Variants in ZFYVE26 observed in about 807,000 individuals in gnomAD.
ZFYVE26 encodes zinc finger FYVE-type containing 26.
Under a neutral mutation model 276.5 loss-of-function variants are expected in ZFYVE26, and 181 were observed. The observed-to-expected ratio is 0.65, with a 90% confidence interval of 0.58 to 0.74. The LOEUF is 0.74. Ranked by LOEUF, ZFYVE26 falls within the 30% of genes least tolerant of loss-of-function variation. The pLI, the probability that ZFYVE26 is intolerant of heterozygous loss-of-function variation, is 0.00. For missense variants in ZFYVE26, 2,821 were observed against 3,097.9 expected, an observed-to-expected ratio of 0.91 and a Z score of 2.12; for synonymous variants, 1,129 against 1,203.1, an observed-to-expected ratio of 0.94 and a Z score of 1.27.
intron 8 of ZFYVE26, among the ~76,000 whole-genome samples, 185 bp from the exon 9 acceptor site, chr14:67,804,449 A>G (rs1482528623): frequency 1.3e-5 from 2 of 152,204 alleles, no homozygotes; most frequent in Admixed American, 6.5e-5. Flanking sequence ...AGGGAAGTAC[A>G]TCTATCAAAC....
intron 3 of ZFYVE26, among the ~76,000 whole-genome samples, chr14:67,812,743 T>C (rs2040329111): frequency 1.3e-5 from 2 of 152,178 alleles, no homozygotes; most frequent in Admixed American, 1.3e-4. Flanking sequence ...AGTAAGCAAA[T>C]AGTCTCTACT....
intron 30 of ZFYVE26, 84 bp from the exon 31 acceptor site, chr14:67,767,924 G>T: frequency 6.3e-7 from 1 of 1,585,090 alleles, no homozygotes. Context: ...ATGAGTTGCA[G>T]GTAGACACTT....
At chr14:67,771,935 G>T in intron 28 of ZFYVE26, 112 bp downstream of exon 28, 1 of 1,431,270 alleles carries the variant, frequency 7.0e-7, no homozygotes, top group Non-Finnish European at 9.6e-7. Flanking sequence ...TGGCAGTTCT[G>T]AAAATACCGA....
intron 28 of ZFYVE26, chr14:67,770,025 G>A: frequency 2.2e-6 from 1 of 454,082 alleles, no homozygotes; most frequent in South Asian, 2.1e-5. Flanking sequence ...TAGTGGAGAA[G>A]AAGTCACTTT....
At chr14:67,759,790 G>T (rs1391965812) in intron 35 of ZFYVE26, among the ~76,000 whole-genome samples, 1 of 152,076 alleles carries the variant, frequency 6.6e-6, no homozygotes, top group East Asian at 1.9e-4. Flanking sequence ...TTCTTCCTAT[G>T]GCCATGGAGA....
At position 67,814,031 on chromosome 14, in the gene ZFYVE26, G is replaced by A. The variant is rs2140258980; in HGVS notation, c.228C>T (p.Ala76=). 1 of 1,613,954 alleles carries A rather than the reference G, an allele frequency of 6.2e-7. No individual in the cohort carries two copies. Among genetic ancestry groups the A allele is most frequent in the East Asian group, 2.2e-5 (1 of 44,880 alleles). ...CGQDINPQRV[A]WVWLLVLEKW... The stretch of plus-strand genomic sequence containing the variant: ...TCTCCAGTACAAGAAGCCAGACCCA[G>A]GCTACTCTTTGAGGGTTGATGTCCT... Residue 76 remains alanine (A), a synonymous_variant, in exon 3 of 42, where the codon GCC becomes GCT. Transcript: ENST00000347230.
rs370722589 is a variant in ZFYVE26, at chr14:67,781,354, C to T, written c.4548G>A (p.Ala1516=). 127 of 1,614,070 alleles carry T rather than the reference C, an allele frequency of 7.9e-5. No individual in the cohort carries two copies. Among genetic ancestry groups the T allele is most frequent in the African/African-American group, 3.3e-4 (25 of 74,934 alleles). Residue 1516 remains alanine (A), a synonymous_variant, in exon 22 of 42, where the codon GCG becomes GCA. Transcript: ENST00000347230. The part of the protein sequence containing the change: ...GLKCELQRKL[A]ELQVYQKILG... ...ATACCTTCTGATACACCTGCAGCTC[C>T]GCCAGCTTCCTCTGTAGCTCACACT...
chr14:67,732,593 T>C (rs945723166), intron 13 of ZFYVE26, among the ~76,000 whole-genome samples: 98 of 152,226 alleles, frequency 6.4e-4, no homozygotes, highest in Middle Eastern at 3.4e-3. Context: ...TTCTTTTTTT[T>C]GAGACGGAGT....
chr14:67,752,197 TG>T, intron 40 of ZFYVE26, 146 bp downstream of exon 40: 1 of 1,074,500 alleles, frequency 9.3e-7, no homozygotes, highest in Non-Finnish European at 1.4e-6. Flanking sequence ...GGGTCAATTA[TG>T]GTGAGGCCAT....
chr14:67,729,000 G>T (rs1477152037), intron 14 of ZFYVE26, among the ~76,000 whole-genome samples: 2 of 152,190 alleles, frequency 1.3e-5, no homozygotes, highest in African/African-American at 4.8e-5. Context: ...AGGCTGAGAA[G>T]GCTATAGATC....
In ZFYVE26 at chr14:67,815,871, C is replaced by T; in HGVS notation, c.93G>A (p.Leu31=). Residue 31 remains leucine (L), a synonymous_variant, in exon 2 of 42, where the codon CTG becomes CTA. Coordinates refer to ENST00000347230, the MANE Select transcript of ZFYVE26 (RefSeq NM_015346.4). ...CECLRRGEWE[L]AQACVPQLQE... ...GTAGCTGAGGTACACATGCCTGTGC[C>T]AGCTCCCATTCTCCCCTCCGCAGGC... 1 of 1,614,144 alleles carries T rather than the reference C, an allele frequency of 6.2e-7. No individual in the cohort carries two copies. Among genetic ancestry groups the T allele is most frequent in the Non-Finnish European group, 8.5e-7 (1 of 1,180,032 alleles).
rs1481376615 is a variant in ZFYVE26, at chr14:67,762,680, C to T, written c.6151G>A (p.Gly2051Ser). The change falls in exon 33 of 42, where the codon GGC becomes AGC. Residue 2051 changes from glycine to serine, a missense_variant. Physicochemically the swap from Gly to Ser is moderately conservative, Grantham distance 56. Coordinates refer to ENST00000347230, the MANE Select transcript of ZFYVE26 (RefSeq NM_015346.4). ...QLLEAEYYQL[G>S]VEVSTKTGLD... The stretch of plus-strand genomic sequence containing the variant: ...CTTTGTCTTTGTCTCACCTCAACGC[C>T]CAGTTGGTAGTACTCGGCTTCCAAA... The T allele has an allele frequency of 1.2e-6, 2 of 1,613,772 alleles. No individual in the cohort carries two copies. Among genetic ancestry groups the T allele is most frequent in the Non-Finnish European group, 1.7e-6 (2 of 1,180,030 alleles).
At chr14:67,786,332 T>G in intron 16 of ZFYVE26, 99 bp from the exon 17 acceptor site, 3 of 1,415,080 alleles carry the variant, frequency 2.1e-6, no homozygotes, top group Non-Finnish European at 2.9e-6. Context: ...AATTTTATCC[T>G]CTCCAATATT....
chr14:67,802,070 G>T lies in ZFYVE26; in HGVS notation c.1639+9C>A, dbSNP rs1369382893. 1 of 1,612,544 alleles carries T rather than the reference G, an allele frequency of 6.2e-7. No homozygotes were observed. Among genetic ancestry groups the T allele is most frequent in the Admixed American group, 1.7e-5 (1 of 60,024 alleles). Reference sequence around the variant, plus strand: ...CAGCTTATCTCACGGATGGAGGGAAGTGCTGTACCTGGGGAGGAGAGAGAG... The same window carrying T: ...CAGCTTATCTCACGGATGGAGGGAATTGCTGTACCTGGGGAGGAGAGAGAG... On this transcript the variant is annotated intron_variant, in intron 10 of 41. Transcript: ENST00000347230.
At chr14:67,805,415 T>C in intron 7 of ZFYVE26, 39 bp downstream of exon 7, 1 of 1,614,064 alleles carries the variant, frequency 6.2e-7, no homozygotes, top group Non-Finnish European at 8.5e-7. Flanking sequence ...CCCACGTCTC[T>C]CACTTCCAGA....
intron 21 of ZFYVE26, among the ~76,000 whole-genome samples, chr14:67,782,311 T>C (rs1479817128): frequency 6.6e-6 from 1 of 152,244 alleles, no homozygotes; most frequent in African/African-American, 2.4e-5. Context: ...TTTATTAGAC[T>C]GTAGCCATGC....
At position 67,798,161 on chromosome 14, in the gene ZFYVE26, T is replaced by C; in HGVS notation, c.2101A>G (p.Ser701Gly). The C allele has an allele frequency of 6.2e-7, 1 of 1,614,170 alleles. No individual in the cohort carries two copies. Among genetic ancestry groups the C allele is most frequent in the Non-Finnish European group, 8.5e-7 (1 of 1,180,012 alleles). The change falls in exon 11 of 42, where the codon AGC becomes GGC. Residue 701 changes from serine to glycine, a missense_variant. Transcript: ENST00000347230. ...LLQEQLDEIS[S>G]RSPPEKPKQE... ...TTTGGCTTCTCAGGAGGGCTGCGGC[T>C]ACTGATCTCATCCAGTTGCTCTTGG... is the stretch of plus-strand genomic sequence containing the variant.
intron 27 of ZFYVE26, 31 bp downstream of exon 27, chr14:67,774,985 A>G: frequency 1.3e-6 from 2 of 1,543,314 alleles, no homozygotes; most frequent in Non-Finnish European, 1.8e-6. Flanking sequence ...AAACTGAAAA[A>G]TTTTAGTGAA....
intron 35 of ZFYVE26, among the ~76,000 whole-genome samples, chr14:67,757,605 A>T: frequency 6.6e-6 from 1 of 151,350 alleles, no homozygotes; most frequent in African/African-American, 2.4e-5. Context: ...TCTCATGTTT[A>T]CTATCTCTCT....
Sources: allele counts gnomAD v4.1 joint callset (sites outside exome capture counted in the v4.1 genomes callset), GRCh38; gene constraint gnomAD v4.1.1; transcripts MANE v1.5; gene names NCBI Gene and HGNC (gene_info 2026-07-23, HGNC 2026-07-21).